The following CCDC3 variants were observed in gnomAD, a reference collection of about 807,000 sequenced individuals.
CCDC3 encodes coiled-coil domain containing 3.
CCDC3 carries 24 observed loss-of-function variants against 21.4 expected under a neutral mutation model. That is an observed-to-expected ratio of 1.12 (90% confidence interval 0.81 to 1.58). The LOEUF (loss-of-function observed/expected upper bound fraction) is 1.58. CCDC3 is among the 40% of genes most tolerant of loss of function. The pLI is 0.00. For missense variants in CCDC3, 425 were observed against 360.9 expected (o/e 1.18, Z -1.44); for synonymous variants, 186 against 166.0 (o/e 1.12, Z -0.93).
At chr10:12,919,056 G>A (rs887637511) in intron 2 of CCDC3, among the ~76,000 whole-genome samples, 10 of 151,436 alleles carry the variant, frequency 6.6e-5, no homozygotes, top group Non-Finnish European at 1.2e-4. Context: ...ACCCCATCTC[G>A]AAAAACAAAA....
At chr10:12,981,512 A>T (rs1416662636) in intron 2 of CCDC3, among the ~76,000 whole-genome samples, 1 of 152,058 alleles carries the variant, frequency 6.6e-6, no homozygotes, top group Non-Finnish European at 1.5e-5. Context: ...CCACCTAAGC[A>T]TATCATATAC....
chr10:13,069,297 T>A (rs1836856577), intron 4 of CCDC3, among the ~76,000 whole-genome samples: 2 of 152,246 alleles, frequency 1.3e-5, no homozygotes, highest in Non-Finnish European at 2.9e-5. Flanking sequence ...AAATTCCATG[T>A]GTGAACATAT....
intron 4 of CCDC3, among the ~76,000 whole-genome samples, chr10:13,054,603 C>T (rs866318225): frequency 3.9e-5 from 6 of 152,066 alleles, no homozygotes; most frequent in Admixed American, 6.6e-5. Context: ...CTCATTATGC[C>T]GAGGGGAAAA....
At chr10:12,911,788 C>A (rs190610897) in intron 2 of CCDC3, among the ~76,000 whole-genome samples, 1 of 152,244 alleles carries the variant, frequency 6.6e-6, no homozygotes, top group African/African-American at 2.4e-5. Flanking sequence ...AAATATTGTA[C>A]CCTTTGAACA....
chr10:13,007,273 C>G (rs958677613), intron 5 of CCDC3, among the ~76,000 whole-genome samples: 3 of 152,162 alleles, frequency 2.0e-5, no homozygotes, highest in African/African-American at 7.2e-5. Flanking sequence ...CTTCCTAATT[C>G]CCTAAGCCTT....
At position 13,064,987 on chromosome 10, in the gene CCDC3, G is replaced by C. The variant is rs539285979; in HGVS notation, c.-270+8881C>G. Among the ~76,000 whole-genome samples, 3 of 152,152 alleles carry C rather than the reference G, an allele frequency of 2.0e-5. No homozygotes were observed. The East Asian group carries it at 5.8e-4, about 29-fold the overall frequency. On this transcript the variant is annotated intron_variant, in intron 4 of 6. Transcript: ENST00000378839. ...AGAGGGATGACTTTGAATAGAGTGG[G>C]AGGCAGGTTGTCCCTAAGCAATTCT... is the stretch of plus-strand genomic sequence containing the variant.
intron 2 of CCDC3, among the ~76,000 whole-genome samples, chr10:12,921,614 C>T (rs1298155576): frequency 6.6e-6 from 1 of 152,226 alleles, no homozygotes; most frequent in Non-Finnish European, 1.5e-5. Context: ...GTGTACACTT[C>T]AGTAGTGTTA....
At chr10:12,990,386 C>T (rs1346810926) in intron 2 of CCDC3, among the ~76,000 whole-genome samples, 8 of 152,140 alleles carry the variant, frequency 5.3e-5, no homozygotes, top group Middle Eastern at 3.2e-3. Context: ...AAAGCCCCTC[C>T]GCATAGCAAA....
intron 2 of CCDC3, among the ~76,000 whole-genome samples, chr10:12,923,358 A>G (rs1282461005): frequency 6.6e-6 from 1 of 152,302 alleles, no homozygotes; most frequent in African/African-American, 2.4e-5. Context: ...GCCACTCTGA[A>G]ATACTCGTTA....
intron 5 of CCDC3, among the ~76,000 whole-genome samples, chr10:13,011,043 C>T (rs554832855): frequency 9.2e-5 from 14 of 151,978 alleles, no homozygotes; most frequent in East Asian, 3.9e-4. Flanking sequence ...AGCTGGGCCG[C>T]GGTGGTGCAC....
intron 5 of CCDC3, among the ~76,000 whole-genome samples, chr10:13,008,720 T>C (rs1004373317): frequency 2.0e-5 from 3 of 152,340 alleles, no homozygotes; most frequent in African/African-American, 7.2e-5. Flanking sequence ...CTTAGAAATA[T>C]ATGTTATATG....
chr10:13,054,522 T>C (rs1266355497), intron 4 of CCDC3, among the ~76,000 whole-genome samples: 1 of 152,146 alleles, frequency 6.6e-6, no homozygotes, highest in African/African-American at 2.4e-5. Flanking sequence ...TCGATGATCT[T>C]TGGGTACCCC....
upstream of CCDC3, among the ~76,000 whole-genome samples, chr10:13,005,992 T>C (rs189401920): frequency 1.7e-3 from 255 of 152,294 alleles, 2 homozygotes; most frequent in African/African-American, 6.0e-3. Flanking sequence ...CCAGAAACCA[T>C]ACTGAGGTGG....
chr10:13,045,388 C>G (rs181905391), intron 5 of CCDC3, among the ~76,000 whole-genome samples: 1 of 152,202 alleles, frequency 6.6e-6, no homozygotes, highest in East Asian at 1.9e-4. Flanking sequence ...TGCCTGTAAT[C>G]GCAGCACTTT....
At chr10:12,930,872 C>T (rs543626682) in intron 2 of CCDC3, among the ~76,000 whole-genome samples, 1 of 152,294 alleles carries the variant, frequency 6.6e-6, no homozygotes, top group East Asian at 1.9e-4. Context: ...TTGGAGATGT[C>T]TGTCCCAGGC....
chr10:12,928,106 G>T (rs1834574730), intron 2 of CCDC3, among the ~76,000 whole-genome samples: 1 of 152,206 alleles, frequency 6.6e-6, no homozygotes, highest in Admixed American at 6.5e-5. Flanking sequence ...AAATGGCAAA[G>T]CAATGCTGTT....
intron 4 of CCDC3, among the ~76,000 whole-genome samples, chr10:13,064,467 C>T (rs1836800348): frequency 6.6e-6 from 1 of 152,152 alleles, no homozygotes; most frequent in Non-Finnish European, 1.5e-5. Flanking sequence ...AGGACATGTG[C>T]CTGTGACACA....
At chr10:12,980,316 C>T (rs1157979789) in intron 2 of CCDC3, among the ~76,000 whole-genome samples, 1 of 152,168 alleles carries the variant, frequency 6.6e-6, no homozygotes, top group Non-Finnish European at 1.5e-5. Flanking sequence ...GACAGTGTCC[C>T]TGAGGGTCTG....
chr10:13,044,692 C>G (rs1186501348), intron 5 of CCDC3, among the ~76,000 whole-genome samples: 1 of 152,064 alleles, frequency 6.6e-6, no homozygotes, highest in Non-Finnish European at 1.5e-5. Context: ...CTATTCGGTT[C>G]CATTGGTCTA....
Sources: allele counts gnomAD v4.1 joint callset (sites outside exome capture counted in the v4.1 genomes callset), GRCh38; gene constraint gnomAD v4.1.1; transcripts MANE v1.5; gene names NCBI Gene and HGNC (gene_info 2026-07-23, HGNC 2026-07-21).